CNTNAP2: variants seen among roughly 807,000 people sequenced by gnomAD.
CNTNAP2 encodes contactin-associated protein-like 2.
Under a neutral mutation model 155.2 loss-of-function variants are expected in CNTNAP2, and 98 were observed. The observed-to-expected ratio is 0.63, with a 90% CI of 0.54 to 0.75. The LOEUF (loss-of-function observed/expected upper bound fraction) is 0.75, where lower values mean the gene tolerates loss of function less well. Ranked by LOEUF, CNTNAP2 falls within the 30% of genes least tolerant of loss-of-function variation. The probability of loss-of-function intolerance (pLI) is 0.00; values close to 1 mark genes in which losing one functional copy is unlikely to be tolerated. For missense variants in CNTNAP2, 1,727 were observed against 1,688.1 expected (o/e 1.02, Z -0.40); for synonymous variants, 651 against 631.2 (o/e 1.03, Z -0.47).
At chr7:148,097,312 G>A (rs1803992179) in intron 15 of CNTNAP2, among the ~76,000 whole-genome samples, 1 of 113,018 alleles carries the variant, frequency 8.8e-6, no homozygotes, top group Non-Finnish European at 1.7e-5. Context: ...CAGAAAATGT[G>A]TTGTTTAAAT....
intron 1 of CNTNAP2, among the ~76,000 whole-genome samples, chr7:146,186,704 A>G (rs1798629268): frequency 6.6e-6 from 1 of 152,134 alleles, no homozygotes. Flanking sequence ...ATCTTCTGGT[A>G]TCTAATATTA....
At chr7:147,925,160 AAG>A (rs1800366257) in intron 14 of CNTNAP2, among the ~76,000 whole-genome samples, 2 of 132,534 alleles carry the variant, frequency 1.5e-5, no homozygotes, top group Non-Finnish European at 1.6e-5. Context: ...AGAGAGAAGG[AAG>A]GAAGGAAGGA....
At chr7:147,172,155 A>T (rs900918151) in intron 8 of CNTNAP2, among the ~76,000 whole-genome samples, 4 of 152,172 alleles carry the variant, frequency 2.6e-5, no homozygotes, top group Non-Finnish European at 4.4e-5. Flanking sequence ...TTTCTCGATG[A>T]CTATTTAATG....
Position 147,162,276 on chromosome 7 carries a change from T to C in CNTNAP2, c.1348+29767T>C, listed in dbSNP as rs183921280. ...ATATCACTGCTTAAAATTTAATCTTTAGGTTATCTGCAGAGCACATTTAGT... is the reference window on the plus strand; with the variant it reads ...ATATCACTGCTTAAAATTTAATCTTCAGGTTATCTGCAGAGCACATTTAGT... On this transcript the variant is annotated intron_variant, in intron 8 of 23. Coordinates refer to ENST00000361727, the MANE Select transcript of CNTNAP2 (RefSeq NM_014141.6). 3.6e-3 allele frequency: 544 copies of C among 152,340 alleles called. 4 individuals are homozygous for C. Among genetic ancestry groups the C allele is most frequent in the African/African-American group, 0.013 (526 of 41,576 alleles). 9.4% of individuals were successfully genotyped at this position (152,340 alleles called of 1,614,324 possible). A position where few individuals can be genotyped will look rare whatever the true frequency, so the allele number is the denominator to read the frequency against.
At chr7:147,107,302 G>A (rs573284599) in intron 4 of CNTNAP2, among the ~76,000 whole-genome samples, 243 of 152,184 alleles carry the variant, frequency 1.6e-3, no homozygotes, top group African/African-American at 5.5e-3. Context: ...ATAAATAGTA[G>A]TTATCAAATG....
At chr7:147,942,762 G>T (rs1160385501) in intron 14 of CNTNAP2, among the ~76,000 whole-genome samples, 1 of 152,168 alleles carries the variant, frequency 6.6e-6, no homozygotes, top group African/African-American at 2.4e-5. Context: ...TACTGGCCAG[G>T]CGCAGTGGCT....
intron 3 of CNTNAP2, among the ~76,000 whole-genome samples, chr7:146,963,787 T>C (rs1158205779): frequency 3.3e-5 from 5 of 152,206 alleles, no homozygotes; most frequent in Non-Finnish European, 7.3e-5. Flanking sequence ...AATTAAAGCA[T>C]TGCTATCTGA....
chr7:148,165,405 G>T (rs1805635243), intron 17 of CNTNAP2, among the ~76,000 whole-genome samples: 1 of 152,072 alleles, frequency 6.6e-6, no homozygotes, highest in African/African-American at 2.4e-5. Context: ...CAAATTTTGA[G>T]GGGACACAGT....
intron 21 of CNTNAP2, among the ~76,000 whole-genome samples, chr7:148,331,711 G>GTGGACGGATGGAGTGGATGGATGGAA (rs1554419679): frequency 0.023 from 219 of 9,414 alleles, 16 homozygotes; most frequent in African/African-American, 0.03. Flanking sequence ...GATGGATGGA[G>GTGGACGGATGGAGTGGATGGATGGAA]TGGACGGATG....
intron 3 of CNTNAP2, among the ~76,000 whole-genome samples, chr7:146,937,351 CA>C (rs71165050): frequency 1.9e-4 from 25 of 134,784 alleles, no homozygotes; most frequent in East Asian, 6.6e-4. Flanking sequence ...ACTCTTGTCT[CA>C]AAAAAAAAAA....
chr7:147,473,016 G>T (rs897643985), intron 10 of CNTNAP2, among the ~76,000 whole-genome samples: 2 of 152,208 alleles, frequency 1.3e-5, no homozygotes, highest in African/African-American at 4.8e-5. Flanking sequence ...ACTCAGAGTT[G>T]AGGCAGTTAA....
intron 3 of CNTNAP2, among the ~76,000 whole-genome samples, chr7:146,941,513 A>C (rs1263335156): frequency 6.6e-6 from 1 of 152,156 alleles, no homozygotes; most frequent in African/African-American, 2.4e-5. Context: ...CTAATGATAT[A>C]CATGATTTAC....
chr7:147,866,492 T>C (rs1391218974), intron 13 of CNTNAP2, among the ~76,000 whole-genome samples: 2 of 152,184 alleles, frequency 1.3e-5, no homozygotes, highest in Non-Finnish European at 2.9e-5. Context: ...TTCTGTCTCA[T>C]TGATCTGTCT....
At chr7:147,156,490 C>T (rs1355415674) in intron 8 of CNTNAP2, among the ~76,000 whole-genome samples, 3 of 152,084 alleles carry the variant, frequency 2.0e-5, no homozygotes, top group Admixed American at 6.6e-5. Context: ...TGGTCTTTGC[C>T]CTTCTCTTAG....
intron 13 of CNTNAP2, among the ~76,000 whole-genome samples, chr7:147,661,361 C>G (rs1795605469): frequency 1.3e-5 from 2 of 152,016 alleles, no homozygotes; most frequent in South Asian, 4.1e-4. Context: ...TTAGCCCAAT[C>G]CAGTGAAGCT....
intron 19 of CNTNAP2, among the ~76,000 whole-genome samples, chr7:148,219,134 G>C (rs998830295): frequency 1.3e-5 from 2 of 151,624 alleles, no homozygotes; most frequent in African/African-American, 2.4e-5. Context: ...GTAGAGACAG[G>C]GTTTCACATG....
chr7:146,958,538 C>G (rs532633889), intron 3 of CNTNAP2, among the ~76,000 whole-genome samples: 9 of 150,274 alleles, frequency 6.0e-5, no homozygotes, highest in African/African-American at 2.0e-4. Flanking sequence ...CTCAGCCTCC[C>G]GAGTAGCTGG....
chr7:148,110,981 A>G (rs1804336532), intron 15 of CNTNAP2, among the ~76,000 whole-genome samples: 1 of 152,236 alleles, frequency 6.6e-6, no homozygotes, highest in Non-Finnish European at 1.5e-5. Context: ...CTCTCAAGAT[A>G]TTGAACATTC....
intron 13 of CNTNAP2, among the ~76,000 whole-genome samples, chr7:147,885,501 A>G (rs1238429859): frequency 6.6e-6 from 1 of 152,086 alleles, no homozygotes; most frequent in Non-Finnish European, 1.5e-5. Flanking sequence ...CTACAGATTC[A>G]TTCAGAACTC....
Sources: allele counts gnomAD v4.1 joint callset (sites outside exome capture counted in the v4.1 genomes callset), GRCh38; gene constraint gnomAD v4.1.1; transcripts MANE v1.5; gene names NCBI Gene and HGNC (gene_info 2026-07-23, HGNC 2026-07-21).